The following RALGAPA1 variants were observed in gnomAD, a reference collection of about 807,000 sequenced individuals.
RALGAPA1 encodes ral GTPase-activating protein subunit alpha-1.
RALGAPA1 carries 52 observed loss-of-function variants against 269.6 expected under a neutral mutation model. The ratio of observed to expected loss-of-function variants is 0.19; its 90% CI spans 0.15 to 0.24. The LOEUF (loss-of-function observed/expected upper bound fraction) is 0.24, where lower values mean the gene tolerates loss of function less well. Ranked by LOEUF, RALGAPA1 falls within the 10% of genes least tolerant of loss-of-function variation. RALGAPA1 has a pLI of 1.00. For missense variants in RALGAPA1, 1,917 were observed against 3,013.9 expected (o/e 0.64, Z 8.52); for synonymous variants, 817 against 1,008.3 (o/e 0.81, Z 3.60).
chr14:35,705,690 GC>G (rs1232702302), intron 16 of RALGAPA1, among the ~76,000 whole-genome samples: 1 of 152,102 alleles, frequency 6.6e-6, no homozygotes, highest in Admixed American at 6.5e-5. Flanking sequence ...GAGTGCTATG[GC>G]TGGATCCTAC....
At chr14:35,678,720 C>T (rs1424005642) in intron 21 of RALGAPA1, among the ~76,000 whole-genome samples, 1 of 152,128 alleles carries the variant, frequency 6.6e-6, no homozygotes, top group African/African-American at 2.4e-5. Flanking sequence ...CCCCACAACC[C>T]ACCTAGAACT....
intron 21 of RALGAPA1, among the ~76,000 whole-genome samples, chr14:35,679,886 C>T (rs1014358603): frequency 8.6e-5 from 13 of 152,002 alleles, no homozygotes; most frequent in African/African-American, 3.1e-4. Context: ...AATCATATGA[C>T]CCTATCTAGG....
chr14:35,679,768 G>A (rs2065254736), intron 21 of RALGAPA1, among the ~76,000 whole-genome samples: 1 of 152,006 alleles, frequency 6.6e-6, no homozygotes, highest in Non-Finnish European at 1.5e-5. Flanking sequence ...TTTTTAAGTA[G>A]TAGCACAGTA....
intron 6 of RALGAPA1, among the ~76,000 whole-genome samples, chr14:35,759,758 A>T (rs1407590099): frequency 2.6e-5 from 4 of 152,044 alleles, no homozygotes; most frequent in Middle Eastern, 3.4e-3. Context: ...AAAAATACAA[A>T]AAAATTAGCT....
intron 37 of RALGAPA1, 41 bp from the exon 38 acceptor site, chr14:35,572,759 C>T (rs1384520255): frequency 5.4e-6 from 8 of 1,480,254 alleles, no homozygotes; most frequent in African/African-American, 1.4e-5. Context: ...TTTAAAAGCT[C>T]TTTGAGTACA....
At chr14:35,734,201 C>G (rs1309378814) in intron 12 of RALGAPA1, among the ~76,000 whole-genome samples, 1 of 152,032 alleles carries the variant, frequency 6.6e-6, no homozygotes, top group Non-Finnish European at 1.5e-5. Context: ...TTAGAAAAAA[C>G]AATTCTAAAA....
chr14:35,779,613 A>G (rs1289233392), intron 1 of RALGAPA1, among the ~76,000 whole-genome samples: 2 of 151,648 alleles, frequency 1.3e-5, no homozygotes, highest in Non-Finnish European at 2.9e-5. Context: ...TTACCTCTAA[A>G]TTTCCTAAAA....
intron 10 of RALGAPA1, among the ~76,000 whole-genome samples, chr14:35,746,790 A>G (rs1038472225): frequency 2.6e-5 from 4 of 152,104 alleles, no homozygotes; most frequent in African/African-American, 7.2e-5. Flanking sequence ...AAATCAGACT[A>G]GTAGGGTTCT....
At chr14:35,635,929 TG>T (rs1478708607) in intron 31 of RALGAPA1, among the ~76,000 whole-genome samples, 2 of 152,240 alleles carry the variant, frequency 1.3e-5, no homozygotes, top group Non-Finnish European at 2.9e-5. Context: ...GGAACACAAA[TG>T]GAAGTCCATA....
chr14:35,609,281 T>C (rs1037165078), intron 35 of RALGAPA1, among the ~76,000 whole-genome samples: 5 of 151,714 alleles, frequency 3.3e-5, no homozygotes, highest in Admixed American at 1.3e-4. Flanking sequence ...TTTAAACGAT[T>C]TGAAATCATG....
chr14:35,608,561 T>C (rs1420369530), intron 35 of RALGAPA1, among the ~76,000 whole-genome samples: 2 of 152,314 alleles, frequency 1.3e-5, no homozygotes, highest in East Asian at 1.9e-4. Context: ...ACAGTGGCTA[T>C]ACTAATGTAA....
chr14:35,684,582 C>G (rs1357962605), intron 20 of RALGAPA1, among the ~76,000 whole-genome samples: 3 of 152,076 alleles, frequency 2.0e-5, no homozygotes, highest in Admixed American at 6.5e-5. Context: ...TTTAAATGCT[C>G]TTAATTTGGC....
chr14:35,752,196 GA>G (rs770718591), intron 7 of RALGAPA1, 34 bp from the exon 8 acceptor site: 99 of 1,465,488 alleles, frequency 6.8e-5, no homozygotes, highest in Non-Finnish European at 8.4e-5. Flanking sequence ...AATCATTCCA[GA>G]AGAAAGAATC....
intron 12 of RALGAPA1, among the ~76,000 whole-genome samples, chr14:35,734,051 C>A (rs1017956158): frequency 6.6e-6 from 1 of 151,268 alleles, no homozygotes; most frequent in African/African-American, 2.4e-5. Context: ...AAAGAAATCG[C>A]AGATGACACA....
In RALGAPA1 at chr14:35,566,734, G is replaced by A. The variant is rs192075763; in HGVS notation, c.7496+3883C>T. On this transcript the variant is annotated intron_variant, in intron 39 of 41. Transcript: ENST00000680220. ...GTATTTATTTAAAATTAAGACAGAT[G>A]TACCTGTATTTCAATATCTTAAAAT... Among the ~76,000 whole-genome samples the A allele has an allele frequency of 2.3e-3, 355 of 151,622 alleles. 2 individuals carry two copies. Among genetic ancestry groups the A allele is most frequent in the Admixed American group, 4.1e-3 (63 of 15,224 alleles).
chr14:35,659,044 A>C (rs113910988), intron 28 of RALGAPA1, 94 bp downstream of exon 28: 8 of 770,042 alleles, frequency 1.0e-5, no homozygotes, highest in Non-Finnish European at 1.6e-5. Context: ...GCTTTTATGT[A>C]TCTAAAACAA....
At chr14:35,623,549 G>A (rs1242802990) in intron 35 of RALGAPA1, among the ~76,000 whole-genome samples, 1 of 152,086 alleles carries the variant, frequency 6.6e-6, no homozygotes, top group Non-Finnish European at 1.5e-5. Context: ...AAGCTATAAA[G>A]GTTAAAAAAG....
intron 35 of RALGAPA1, among the ~76,000 whole-genome samples, chr14:35,613,641 T>A (rs572008865): frequency 6.6e-6 from 1 of 152,328 alleles, no homozygotes; most frequent in South Asian, 2.1e-4. Context: ...GCTGTATGAC[T>A]ACAATTTCTG....
intron 39 of RALGAPA1, among the ~76,000 whole-genome samples, chr14:35,567,852 C>T (rs61989602): frequency 6.6e-6 from 1 of 152,056 alleles, no homozygotes; most frequent in Non-Finnish European, 1.5e-5. Context: ...TCCAAAAAGA[C>T]CTAAGACATT....
Sources: gnomAD v4.1 joint callset for allele counts (sites outside exome capture counted in the v4.1 genomes callset) on GRCh38, gnomAD v4.1.1 for gene constraint, MANE v1.5 for transcripts, NCBI Gene and HGNC (gene_info 2026-07-23, HGNC 2026-07-21) for gene names.